TMEM108: variants seen among roughly 807,000 people sequenced by gnomAD.
The protein encoded by TMEM108 is transmembrane protein 108.
A neutral mutation model predicts 35.1 loss-of-function variants in TMEM108; 12 were observed. The ratio of observed to expected loss-of-function variants is 0.34; its 90% confidence interval spans 0.22 to 0.55. The LOEUF is 0.55. Among genes scored for constraint, TMEM108 ranks in the 20% least tolerant of loss-of-function variants. TMEM108 has a pLI of 0.89. For missense variants in TMEM108, 680 were observed against 753.3 expected, an observed-to-expected ratio of 0.90 and a Z score of 1.14; for synonymous variants, 287 against 308.6, an observed-to-expected ratio of 0.93 and a Z score of 0.73.
chr3:133,392,192 C>G (rs1296692066), intron 5 of TMEM108, among the ~76,000 whole-genome samples: 3 of 150,868 alleles, frequency 2.0e-5, no homozygotes, highest in Non-Finnish European at 4.4e-5. Context: ...GATGAAGTCT[C>G]AACTCCGTTG....
chr3:133,099,874 T>C (rs1427046333), intron 2 of TMEM108, among the ~76,000 whole-genome samples: 1 of 152,210 alleles, frequency 6.6e-6, no homozygotes, highest in East Asian at 1.9e-4. Context: ...CTCACATTTT[T>C]CTGTCTTCTT....
At chr3:133,359,906 A>T (rs2072291803) in intron 3 of TMEM108, among the ~76,000 whole-genome samples, 1 of 151,150 alleles carries the variant, frequency 6.6e-6, no homozygotes, top group Admixed American at 6.6e-5. Context: ...TAGCAGCTTT[A>T]TTCATAATAG....
intron 2 of TMEM108, among the ~76,000 whole-genome samples, chr3:133,189,726 A>G (rs1945472117): frequency 6.6e-6 from 1 of 152,218 alleles, no homozygotes; most frequent in Non-Finnish European, 1.5e-5. Flanking sequence ...AGAAATTCTC[A>G]ACTCAAGTTG....
chr3:133,081,004 G>A (rs1160794046), intron 2 of TMEM108, among the ~76,000 whole-genome samples: 7 of 151,762 alleles, frequency 4.6e-5, no homozygotes, highest in Non-Finnish European at 1.5e-5. Context: ...GGGTGATCTT[G>A]GGTAAGTTAT....
Position 133,044,615 on chromosome 3 carries a change from C to T in TMEM108, c.-165-1287C>T, listed in dbSNP as rs763990956. Reference sequence around the variant, plus strand: ...GGCTTCACCCATGACCTAACAAACCCGAACCTGCATTTTTATCAAGATGCC... The same window carrying T: ...GGCTTCACCCATGACCTAACAAACCTGAACCTGCATTTTTATCAAGATGCC... On this transcript the variant is annotated intron_variant, in intron 1 of 5. Coordinates refer to ENST00000321871, the MANE Select transcript of TMEM108 (RefSeq NM_023943.4). Among the ~76,000 whole-genome samples, 6 of 152,154 alleles carry T rather than the reference C, an allele frequency of 3.9e-5. 1 individual carries two copies. Among genetic ancestry groups the T allele is most frequent in the South Asian group, 4.1e-4 (2 of 4,824 alleles).
chr3:133,207,289 C>T lies in TMEM108; in HGVS notation c.-46-21977C>T, dbSNP rs367649378. ...GGTGAGGTGACGCCCCACCCTGCTT[C>T]TGCTTGCCTTCCATGGGCTGAACCC... On this transcript the variant is annotated intron_variant, in intron 2 of 5. Transcript: ENST00000321871. Among the ~76,000 whole-genome samples the T allele has an allele frequency of 4.2e-4, 64 of 151,864 alleles. 1 individual carries two copies. The South Asian group carries it at 6.5e-3, about 15-fold the overall frequency.
chr3:133,229,393 T>C (rs1045123787), intron 3 of TMEM108, 42 bp downstream of exon 3: 2 of 1,594,694 alleles, frequency 1.3e-6, no homozygotes, highest in Admixed American at 3.4e-5. Context: ...AATATACTAA[T>C]GTTATTATTT....
intron 2 of TMEM108, among the ~76,000 whole-genome samples, 163 bp from the exon 3 acceptor site, chr3:133,229,103 A>G (rs1208494786): frequency 6.6e-6 from 1 of 152,212 alleles, no homozygotes; most frequent in African/African-American, 2.4e-5. Context: ...ATTTTATAAC[A>G]TACACCATTG....
At chr3:133,135,240 G>A (rs963225636) in intron 2 of TMEM108, among the ~76,000 whole-genome samples, 66 of 150,008 alleles carry the variant, frequency 4.4e-4, no homozygotes, top group African/African-American at 9.8e-5. Flanking sequence ...AGCAAACTCC[G>A]TAATAGACAT....
At chr3:133,342,494 C>T (rs1328043289) in intron 3 of TMEM108, among the ~76,000 whole-genome samples, 1 of 118,874 alleles carries the variant, frequency 8.4e-6, no homozygotes, top group Non-Finnish European at 1.8e-5. Context: ...TATACACCCA[C>T]TATATAACCA....
At chr3:133,188,241 A>G (rs1945450260) in intron 2 of TMEM108, among the ~76,000 whole-genome samples, 1 of 152,210 alleles carries the variant, frequency 6.6e-6, no homozygotes, top group Non-Finnish European at 1.5e-5. Context: ...CACATTTGCA[A>G]AATGAAAAGT....
At chr3:133,185,784 C>CTTTTTTTTTTTTTTT (rs11309146) in intron 2 of TMEM108, among the ~76,000 whole-genome samples, 9 of 127,090 alleles carry the variant, frequency 7.1e-5, no homozygotes, top group Admixed American at 1.7e-4. Context: ...CTTTTCTTTT[C>CTTTTTTTTTTTTTTT]TTTTTTTTTT....
chr3:133,051,504 T>C (rs1286437078), intron 2 of TMEM108, among the ~76,000 whole-genome samples: 1 of 152,128 alleles, frequency 6.6e-6, no homozygotes, highest in African/African-American at 2.4e-5. Flanking sequence ...AGAACAGACA[T>C]TTTGAATTAT....
intron 4 of TMEM108, chr3:133,387,679 G>A (rs897722507): frequency 6.2e-6 from 4 of 646,060 alleles, no homozygotes; most frequent in Non-Finnish European, 7.7e-6. Context: ...GGGCTGATTT[G>A]TTTCAGCACC....
intron 3 of TMEM108, among the ~76,000 whole-genome samples, chr3:133,371,043 TTC>T (rs2072653087): frequency 6.6e-6 from 1 of 152,096 alleles, no homozygotes; most frequent in East Asian, 1.9e-4. Flanking sequence ...GATGTTTCCC[TTC>T]TCTGAGTCTG....
chr3:133,109,171 C>T (rs992570859), intron 2 of TMEM108, among the ~76,000 whole-genome samples: 1 of 152,038 alleles, frequency 6.6e-6, no homozygotes, highest in Non-Finnish European at 1.5e-5. Context: ...TCTCACTGTG[C>T]TCCTAACTAG....
chr3:133,255,923 A>G (rs1946539431), intron 3 of TMEM108, among the ~76,000 whole-genome samples: 1 of 152,196 alleles, frequency 6.6e-6, no homozygotes, highest in South Asian at 2.1e-4. Context: ...TAGAAGGCGG[A>G]GCTTGCAGTG....
At chr3:133,277,912 C>G (rs1216338860) in intron 3 of TMEM108, among the ~76,000 whole-genome samples, 2 of 152,200 alleles carry the variant, frequency 1.3e-5, no homozygotes, top group South Asian at 2.1e-4. Context: ...GACTCAGGCT[C>G]TGCCCCATTT....
intron 2 of TMEM108, among the ~76,000 whole-genome samples, chr3:133,118,540 C>A (rs1380396108): frequency 6.6e-6 from 1 of 152,122 alleles, no homozygotes; most frequent in Non-Finnish European, 1.5e-5. Flanking sequence ...ACACCTGCCC[C>A]CAGTGAACAT....
Sources: allele counts gnomAD v4.1 joint callset (sites outside exome capture counted in the v4.1 genomes callset), GRCh38; gene constraint gnomAD v4.1.1; transcripts MANE v1.5; gene names NCBI Gene and HGNC (gene_info 2026-07-23, HGNC 2026-07-21).